STEAP1B: variants seen among roughly 807,000 people sequenced by gnomAD.
STEAP1B encodes the protein STEAP family protein MGC87042.
A neutral mutation model predicts 27.9 loss-of-function variants in STEAP1B; 13 were observed. The ratio of observed to expected loss-of-function variants is 0.47; its 90% CI spans 0.30 to 0.74. The LOEUF is 0.74. STEAP1B is among the 30% of genes least tolerant of loss of function. STEAP1B has a pLI of 0.06. For synonymous variants in STEAP1B, 86 were observed against 107.1 expected (o/e 0.80, Z 1.22); for missense variants, 250 against 298.7 (o/e 0.84, Z 1.20).
At chr7:22,444,327 T>C (rs1447006077) in intron 4 of STEAP1B, among the ~76,000 whole-genome samples, 2 of 152,180 alleles carry the variant, frequency 1.3e-5, no homozygotes. Flanking sequence ...GTGAGCAGGA[T>C]TGGTGAGGAC....
At chr7:22,469,351 G>A (rs773037345) in intron 4 of STEAP1B, among the ~76,000 whole-genome samples, 1 of 152,088 alleles carries the variant, frequency 6.6e-6, no homozygotes, top group Non-Finnish European at 1.5e-5. Flanking sequence ...AGTTTATATG[G>A]TAAGTTACAG....
chr7:22,456,576 G>C (rs766177514), intron 4 of STEAP1B, among the ~76,000 whole-genome samples: 1 of 152,126 alleles, frequency 6.6e-6, no homozygotes, highest in African/African-American at 2.4e-5. Context: ...TGTGAGTTGA[G>C]ACACAAACGG....
chr7:22,471,893 CAAAAAAAAA>C (rs59453902), intron 4 of STEAP1B, among the ~76,000 whole-genome samples: 1 of 60,190 alleles, frequency 1.7e-5, no homozygotes, highest in African/African-American at 5.9e-5. Context: ...AACCTGTCTC[CAAAAAAAAA>C]AAAAAAAAAA....
At chr7:22,470,966 C>A (rs1268015586) in intron 4 of STEAP1B, among the ~76,000 whole-genome samples, 1 of 152,170 alleles carries the variant, frequency 6.6e-6, no homozygotes, top group Non-Finnish European at 1.5e-5. Context: ...CAATTTGGGC[C>A]TCTAAGAATA....
At chr7:22,475,545 CT>C (rs1298911914) in intron 4 of STEAP1B, among the ~76,000 whole-genome samples, 1 of 152,194 alleles carries the variant, frequency 6.6e-6, no homozygotes, top group Non-Finnish European at 1.5e-5. Flanking sequence ...CTAGTTTAAA[CT>C]TTTTGCAGAG....
chr7:22,439,805 A>C (rs1441472784), intron 4 of STEAP1B, among the ~76,000 whole-genome samples: 1 of 152,194 alleles, frequency 6.6e-6, no homozygotes, highest in East Asian at 1.9e-4. Flanking sequence ...CTATAGTATG[A>C]AATTCTTGTG....
intron 4 of STEAP1B, among the ~76,000 whole-genome samples, chr7:22,450,484 T>C (rs1253243273): frequency 6.6e-6 from 1 of 152,212 alleles, no homozygotes; most frequent in Admixed American, 6.5e-5. Context: ...AAGTTCACTG[T>C]AGGTGTCTGA....
At chr7:22,489,860 C>G (rs1786289342) in intron 4 of STEAP1B, among the ~76,000 whole-genome samples, 1 of 152,126 alleles carries the variant, frequency 6.6e-6, no homozygotes, top group African/African-American at 2.4e-5. Context: ...GCAGTATGGC[C>G]ATTTTCATGA....
intron 4 of STEAP1B, among the ~76,000 whole-genome samples, chr7:22,435,364 A>G (rs2128400754): frequency 6.6e-6 from 1 of 152,222 alleles, no homozygotes; most frequent in Non-Finnish European, 1.5e-5. Context: ...CCACAGAGAA[A>G]AGCTGGAGGG....
intron 4 of STEAP1B, among the ~76,000 whole-genome samples, chr7:22,488,414 C>A (rs1786256837): frequency 6.6e-6 from 1 of 152,198 alleles, no homozygotes; most frequent in South Asian, 2.1e-4. Context: ...CAGAAGAAGG[C>A]GAGTGCCCTT....
At chr7:22,425,838 T>A (rs950921779) in intron 4 of STEAP1B, among the ~76,000 whole-genome samples, 10 of 152,226 alleles carry the variant, frequency 6.6e-5, no homozygotes, top group African/African-American at 2.4e-4. Flanking sequence ...AAGGGGCAGA[T>A]TCTGACAAAC....
intron 4 of STEAP1B, among the ~76,000 whole-genome samples, chr7:22,465,940 C>T (rs1253544775): frequency 6.6e-6 from 1 of 152,168 alleles, no homozygotes; most frequent in Non-Finnish European, 1.5e-5. Context: ...CGATCTCCCG[C>T]ATGGCTCATG....
At chr7:22,467,566 A>C (rs1478507178) in intron 4 of STEAP1B, among the ~76,000 whole-genome samples, 1 of 152,210 alleles carries the variant, frequency 6.6e-6, no homozygotes, top group Non-Finnish European at 1.5e-5. Flanking sequence ...GAGATAATTG[A>C]ATTTTGGGGG....
intron 4 of STEAP1B, among the ~76,000 whole-genome samples, chr7:22,478,708 C>A (rs1786015977): frequency 6.6e-6 from 1 of 152,176 alleles, no homozygotes; most frequent in African/African-American, 2.4e-5. Context: ...GTCATCACTG[C>A]AGTAATGGAG....
intron 4 of STEAP1B, 107 bp from the exon 5 acceptor site, chr7:22,419,943 A>C: frequency 7.5e-7 from 1 of 1,324,956 alleles, no homozygotes. Flanking sequence ...GCAAGTATAC[A>C]CGCTTTTCTA....
At chr7:22,422,015 T>C (rs185786316) in intron 4 of STEAP1B, among the ~76,000 whole-genome samples, 7 of 152,386 alleles carry the variant, frequency 4.6e-5, no homozygotes, top group African/African-American at 1.7e-4. Context: ...TCAACAAATA[T>C]GGTAGAACTT....
At chr7:22,475,538 G>A (rs1785955802) in intron 4 of STEAP1B, among the ~76,000 whole-genome samples, 1 of 152,172 alleles carries the variant, frequency 6.6e-6, no homozygotes, top group Non-Finnish European at 1.5e-5. Context: ...TGCCTGGCTA[G>A]TTTAAACTTT....
intron 4 of STEAP1B, among the ~76,000 whole-genome samples, chr7:22,459,561 G>T (rs189219160): frequency 1.3e-3 from 203 of 152,194 alleles, no homozygotes; most frequent in Non-Finnish European, 2.2e-3. Context: ...AACAAAATAC[G>T]GCAAAAGTTA....
intron 1 of STEAP1B, among the ~76,000 whole-genome samples, chr7:22,497,466 CT>C (rs929136283): frequency 2.3e-4 from 34 of 150,906 alleles, no homozygotes; most frequent in African/African-American, 7.3e-4. Flanking sequence ...AACACATTCC[CT>C]TTTTTTTTGG....
Sources: gnomAD v4.1 joint callset for allele counts (sites outside exome capture counted in the v4.1 genomes callset) on GRCh38, gnomAD v4.1.1 for gene constraint, MANE v1.5 for transcripts, NCBI Gene and HGNC (gene_info 2026-07-23, HGNC 2026-07-21) for gene names.